The following DPP6 variants were observed in gnomAD, a reference collection of about 807,000 sequenced individuals.
DPP6 encodes the protein dipeptidyl peptidase like 6, also known as A-type potassium channel modulatory protein DPP6.
DPP6 carries 69 observed loss-of-function variants against 122.6 expected under a neutral mutation model. The observed-to-expected ratio is 0.56, with a 90% CI of 0.46 to 0.69. The LOEUF is 0.69. DPP6 is among the 30% of genes least tolerant of loss of function. The pLI is 0.00. For missense variants in DPP6, 928 were observed against 1,116.9 expected (o/e 0.83, Z 2.41); for synonymous variants, 418 against 433.1 (o/e 0.97, Z 0.43).
chr7:154,547,894 A>G (rs1337779586), intron 4 of DPP6, among the ~76,000 whole-genome samples: 2 of 152,154 alleles, frequency 1.3e-5, no homozygotes, highest in Non-Finnish European at 2.9e-5. Flanking sequence ...CTTTTACCAC[A>G]TAGACCATGA....
At chr7:154,412,435 G>A (rs998729986) in intron 1 of DPP6, among the ~76,000 whole-genome samples, 42 of 152,026 alleles carry the variant, frequency 2.8e-4, no homozygotes, top group African/African-American at 9.2e-4. Flanking sequence ...CTCTTTTGGG[G>A]TCTCTTCCTC....
intron 1 of DPP6, among the ~76,000 whole-genome samples, chr7:153,905,632 C>T (rs1205375595): frequency 2.0e-5 from 3 of 150,158 alleles, no homozygotes; most frequent in East Asian, 3.9e-4. Context: ...TTTGCTACTA[C>T]AGTGAGGTGT....
At chr7:153,775,461 A>T in the DPP6 span, among the ~76,000 whole-genome samples, 1 of 151,678 alleles carries the variant, frequency 6.6e-6, no homozygotes, top group Non-Finnish European at 1.5e-5. Flanking sequence ...ATGAAAACTG[A>T]GTGGTTAATC....
intron 7 of DPP6, among the ~76,000 whole-genome samples, chr7:154,691,266 T>C (rs1387193): frequency 0.9 from 137,132 of 152,218 alleles, 62,507 homozygotes; most frequent in South Asian, 0.99. Flanking sequence ...CTCAAACTTC[T>C]GTTTTCCGAT....
At chr7:154,681,307 GCCCC>G (rs1839265108) in intron 7 of DPP6, among the ~76,000 whole-genome samples, 1 of 152,168 alleles carries the variant, frequency 6.6e-6, no homozygotes, top group African/African-American at 2.4e-5. Context: ...TTAGAAGGGT[GCCCC>G]CACATCAGCC....
chr7:154,744,467 C>T (rs568411960), intron 8 of DPP6, among the ~76,000 whole-genome samples: 1 of 152,252 alleles, frequency 6.6e-6, no homozygotes, highest in Non-Finnish European at 1.5e-5. Context: ...CTGGGCCCCC[C>T]ACGGTGTTGA....
intron 17 of DPP6, among the ~76,000 whole-genome samples, chr7:154,856,697 T>C (rs1320766800): frequency 2.6e-5 from 4 of 152,186 alleles, no homozygotes; most frequent in Admixed American, 6.5e-5. Flanking sequence ...TGACAGACCA[T>C]AGGCCCTAGG....
chr7:154,157,527 CCT>C (rs1250635051), intron 1 of DPP6, among the ~76,000 whole-genome samples: 1 of 152,216 alleles, frequency 6.6e-6, no homozygotes, highest in African/African-American at 2.4e-5. Context: ...TAGTCCCCTG[CCT>C]CTCTCCTCCT....
At chr7:154,395,370 C>A (rs1814990682) in intron 1 of DPP6, among the ~76,000 whole-genome samples, 1 of 152,220 alleles carries the variant, frequency 6.6e-6, no homozygotes, top group Non-Finnish European at 1.5e-5. Flanking sequence ...AACATTAAGT[C>A]TTCCCATCCA....
intron 1 of DPP6, chr7:154,027,116 G>A (rs917320357): frequency 6.8e-6 from 1 of 147,498 alleles, no homozygotes; most frequent in African/African-American, 2.5e-5. Flanking sequence ...TTATGATCAG[G>A]GAGTTCTAAA....
chr7:154,843,775 A>G (rs1801742087), intron 16 of DPP6, among the ~76,000 whole-genome samples: 1 of 152,240 alleles, frequency 6.6e-6, no homozygotes, highest in African/African-American at 2.4e-5. Flanking sequence ...ACCTGGAATC[A>G]CAAAATAGCT....
intron 1 of DPP6, among the ~76,000 whole-genome samples, chr7:154,007,126 A>G (rs1025176755): frequency 6.6e-6 from 1 of 152,172 alleles, no homozygotes; most frequent in Non-Finnish European, 1.5e-5. Context: ...GAGGACTGTG[A>G]GTGGTGCCCC....
rs71184004 is a variant in DPP6 at position 154,459,974 on chromosome 7, C to CTTTTTT, written c.358+13666_358+13671dup. 2.4e-3 allele frequency among the ~76,000 whole-genome samples: 143 copies of CTTTTTT among 58,602 alleles called. 1 individual carries two copies. The highest frequency in any genetic ancestry group is 2.9e-3 in the Non-Finnish European group (100 of 34,952). 38.4% of individuals were successfully genotyped at this position (58,602 alleles called of 152,430 possible). On this transcript the variant is annotated intron_variant, in intron 2 of 25. Transcript: ENST00000377770. ...AAGTCTTCTGATATTTATTCATGTG[C>CTTTTTT]TTTTTTTTTTTTTTTTTTTTTTTTT...
chr7:154,580,150 TACACAC>T (rs35398601), intron 5 of DPP6, among the ~76,000 whole-genome samples: 23 of 138,974 alleles, frequency 1.7e-4, no homozygotes, highest in African/African-American at 4.5e-4. Flanking sequence ...CTCTCCCCCT[TACACAC>T]ACACACACAC....
At chr7:154,881,251 G>A (rs1403558795) in intron 21 of DPP6, among the ~76,000 whole-genome samples, 3 of 152,236 alleles carry the variant, frequency 2.0e-5, no homozygotes, top group Non-Finnish European at 4.4e-5. Context: ...TGGCATGGTA[G>A]CCAGGAAAGA....
rs1796340919 is a variant in DPP6 at position 154,773,023 on chromosome 7, G to A, written c.1136+81G>A. ...AATGTGCATGGTCTCTTCTGGATCA[G>A]ATTTATCTTACAACAAGTTTAAACA... On this transcript the variant is annotated intron_variant, in intron 10 of 25. Coordinates refer to ENST00000377770, the MANE Select transcript of DPP6 (RefSeq NM_130797.4). 2.9e-6 allele frequency: 4 copies of A among 1,385,312 alleles called. No individual in the cohort carries two copies. The South Asian group carries it at 7.6e-5, about 26-fold the overall frequency. The allele number at this position is 1,385,312 out of a possible 1,614,324, so 85.8% of individuals were successfully genotyped here. A position where few individuals can be genotyped will look rare whatever the true frequency, so the allele number is the denominator to read the frequency against.
intron 1 of DPP6, among the ~76,000 whole-genome samples, chr7:154,257,840 C>T (rs73727919): frequency 0.082 from 12,524 of 152,188 alleles, 978 homozygotes; most frequent in African/African-American, 0.2. Context: ...ATGGCTTGTG[C>T]AATTTAGTGG....
At chr7:154,013,132 G>C (rs1475489656) in intron 1 of DPP6, among the ~76,000 whole-genome samples, 3 of 152,252 alleles carry the variant, frequency 2.0e-5, no homozygotes, top group African/African-American at 7.2e-5. Context: ...GCCCTTGCAA[G>C]TGAGGAGCCC....
At chr7:154,264,297 C>G (rs1803231283) in intron 1 of DPP6, among the ~76,000 whole-genome samples, 1 of 152,140 alleles carries the variant, frequency 6.6e-6, no homozygotes, top group South Asian at 2.1e-4. Flanking sequence ...ACAAAGCTTT[C>G]AAGCTATGAA....
Sources: gnomAD v4.1 joint callset for allele counts (sites outside exome capture counted in the v4.1 genomes callset) on GRCh38, gnomAD v4.1.1 for gene constraint, MANE v1.5 for transcripts, NCBI Gene and HGNC (gene_info 2026-07-23, HGNC 2026-07-21) for gene names.